Variants in GRID2 observed in about 807,000 individuals in gnomAD.
GRID2 encodes the protein glutamate receptor ionotropic, delta-2.
A neutral mutation model predicts 114.8 loss-of-function variants in GRID2; 33 were observed. The ratio of observed to expected loss-of-function variants is 0.29; its 90% CI spans 0.22 to 0.38. The LOEUF is 0.38. Among genes scored for constraint, GRID2 ranks in the 10% least tolerant of loss-of-function variants. GRID2 has a pLI of 1.00. For missense variants in GRID2, 1,184 were observed against 1,257.7 expected (o/e 0.94, Z 0.89); for synonymous variants, 505 against 449.9 (o/e 1.12, Z -1.55).
intron 1 of GRID2, among the ~76,000 whole-genome samples, chr4:92,402,842 G>A (rs936320347): frequency 7.9e-5 from 12 of 152,254 alleles, no homozygotes; most frequent in African/African-American, 2.9e-4. Flanking sequence ...TTCGAAGGCA[G>A]CAATTACTTC....
At position 93,027,715 on chromosome 4, in the gene GRID2, G is replaced by A. The variant is rs1019631641; in HGVS notation, c.245-57280G>A. ...AAATTTAAATTGAGATTTAGATAACGATATATTTAAACATACATGTTAGCT... is the reference window on the plus strand; with the variant it reads ...AAATTTAAATTGAGATTTAGATAACAATATATTTAAACATACATGTTAGCT... On this transcript the variant is annotated intron_variant, in intron 2 of 15. Coordinates refer to ENST00000282020, the MANE Select transcript of GRID2 (RefSeq NM_001510.4). Among the ~76,000 whole-genome samples the A allele has an allele frequency of 6.6e-5, 10 of 151,914 alleles. No individual in the cohort carries two copies. The East Asian group carries it at 1.2e-3, about 18-fold the overall frequency.
In GRID2 at chr4:93,784,071, C is replaced by CAAAAAA. The variant is rs70942993; in HGVS notation, c.221+14644_221+14649dup. Among the ~76,000 whole-genome samples, 71 of 38,980 alleles carry CAAAAAA rather than the reference C, an allele frequency of 1.8e-3. 5 individuals are homozygous for CAAAAAA. Among genetic ancestry groups the CAAAAAA allele is most frequent in the African/African-American group, 5.7e-3 (47 of 8,312 alleles). The allele number at this position is 38,980 out of a possible 152,430, so 25.6% of individuals were successfully genotyped here. On this transcript the variant is annotated intron_variant, in intron 1 of 1. Coordinates refer to the GRID2 transcript ENST00000637838. ...TGGGCGACAGAGCGAGACTCCGTCT[C>CAAAAAA]AAAAAAAAAAAAAAAAAAAAAAAAA...
intron 2 of GRID2, among the ~76,000 whole-genome samples, chr4:92,654,748 ATT>A (rs1732141550): frequency 6.6e-6 from 1 of 151,202 alleles, no homozygotes; most frequent in South Asian, 2.1e-4. Flanking sequence ...TTCAAATGGA[ATT>A]TTAAAAAAAA....
intron 8 of GRID2, among the ~76,000 whole-genome samples, chr4:93,307,802 A>G (rs1362388441): frequency 6.6e-6 from 1 of 152,182 alleles, no homozygotes; most frequent in East Asian, 1.9e-4. Flanking sequence ...CCTAAAGTGT[A>G]CACAATAATC....
chr4:92,568,027 T>C (rs1727419700), intron 1 of GRID2, among the ~76,000 whole-genome samples: 1 of 151,904 alleles, frequency 6.6e-6, no homozygotes, highest in South Asian at 2.1e-4. Context: ...CAGAAAGGGA[T>C]TGAAGGCAGA....
chr4:92,628,344 C>T (rs1730624505), intron 2 of GRID2, among the ~76,000 whole-genome samples: 1 of 149,370 alleles, frequency 6.7e-6, no homozygotes, highest in African/African-American at 2.5e-5. Context: ...GAAATTCCTC[C>T]CTGTTCTTTT....
chr4:93,274,376 CTG>C (rs1751824114), intron 8 of GRID2, among the ~76,000 whole-genome samples: 1 of 152,012 alleles, frequency 6.6e-6, no homozygotes, highest in Non-Finnish European at 1.5e-5. Flanking sequence ...ACAATTATAA[CTG>C]AAAGCTACGA....
Position 93,575,519 on chromosome 4 carries a change from C to T in GRID2, c.2194-50750C>T, listed in dbSNP as rs1193863657. Among the ~76,000 whole-genome samples, 4 of 152,218 alleles carry T rather than the reference C, an allele frequency of 2.6e-5. No homozygotes were observed. The East Asian group carries it at 7.7e-4, about 29-fold the overall frequency. The stretch of plus-strand genomic sequence containing the variant: ...CCTTCCCATATCTGCCACTTAACAG[C>T]CATTGTGGCCCTGAGCAAGTATTTG... On this transcript the variant is annotated intron_variant, in intron 13 of 15. Coordinates refer to ENST00000282020, the MANE Select transcript of GRID2 (RefSeq NM_001510.4).
chr4:93,670,050 T>A (rs528885524), intron 14 of GRID2, among the ~76,000 whole-genome samples: 3 of 152,178 alleles, frequency 2.0e-5, no homozygotes, highest in East Asian at 3.9e-4. Flanking sequence ...GGATTATGTA[T>A]GTGTAGGAGC....
chr4:92,870,682 G>A lies in GRID2; in HGVS notation c.245-214313G>A, dbSNP rs73837367. On this transcript the variant is annotated intron_variant, in intron 2 of 15. Transcript: ENST00000282020. ...ATTATAGTTCATCTTTCATAGTAGAGAAATATGAAGTTGTTCAATGCTTGG... is the reference window on the plus strand; with the variant it reads ...ATTATAGTTCATCTTTCATAGTAGAAAAATATGAAGTTGTTCAATGCTTGG... Among the ~76,000 whole-genome samples the A allele has an allele frequency of 6.4e-3, 967 of 152,216 alleles. 15 individuals carry two copies. Among genetic ancestry groups the A allele is most frequent in the African/African-American group, 0.022 (917 of 41,536 alleles).
chr4:93,220,047 C>G (rs1156821857), intron 6 of GRID2, among the ~76,000 whole-genome samples: 1 of 151,842 alleles, frequency 6.6e-6, no homozygotes, highest in African/African-American at 2.4e-5. Context: ...GGAAGAGGAC[C>G]AAGGTACAAG....
At chr4:93,215,438 C>G (rs1217015266) in intron 5 of GRID2, among the ~76,000 whole-genome samples, 1 of 151,958 alleles carries the variant, frequency 6.6e-6, no homozygotes, top group Non-Finnish European at 1.5e-5. Flanking sequence ...ACCGTTTAAT[C>G]CTACTTTGTG....
At chr4:92,385,918 A>G (rs373507075) in intron 1 of GRID2, among the ~76,000 whole-genome samples, 1 of 148,206 alleles carries the variant, frequency 6.7e-6, no homozygotes, top group Non-Finnish European at 1.5e-5. Flanking sequence ...ATATATATAT[A>G]TATATATGAA....
intron 2 of GRID2, among the ~76,000 whole-genome samples, chr4:92,989,079 C>T (rs532679741): frequency 1.3e-5 from 2 of 151,752 alleles, no homozygotes; most frequent in East Asian, 2.0e-4. Context: ...AGATGGAGAC[C>T]ATCCTGACTA....
chr4:92,984,809 G>A (rs1754408295), intron 2 of GRID2, among the ~76,000 whole-genome samples: 1 of 150,972 alleles, frequency 6.6e-6, no homozygotes, highest in Non-Finnish European at 1.5e-5. Context: ...TTAATGAGTA[G>A]TAGTCAGCTA....
chr4:93,679,635 C>T lies in GRID2; in HGVS notation c.2360+53200C>T, dbSNP rs192763785. 2.1e-4 allele frequency among the ~76,000 whole-genome samples: 31 copies of T among 150,896 alleles called. No individual in the cohort carries two copies. In the East Asian group the frequency reaches 3.9e-3, roughly 19 times the overall value. On this transcript the variant is annotated intron_variant, in intron 14 of 15. Coordinates refer to ENST00000282020, the MANE Select transcript of GRID2 (RefSeq NM_001510.4). ...CAGGATTAAGAAACTCACTCAAAAC[C>T]GCTCAACTACATGGAAACTGACAGC...
At chr4:92,317,784 A>G (rs916494104) in intron 1 of GRID2, among the ~76,000 whole-genome samples, 3 of 152,142 alleles carry the variant, frequency 2.0e-5, no homozygotes, top group African/African-American at 7.2e-5. Context: ...TGGGCCACCA[A>G]AGAAGAATAA....
intron 14 of GRID2, among the ~76,000 whole-genome samples, chr4:93,677,109 G>T (rs555410482): frequency 6.6e-6 from 1 of 152,200 alleles, no homozygotes; most frequent in Non-Finnish European, 1.5e-5. Flanking sequence ...TTAGGAAATG[G>T]CCCACCAGGA....
intron 2 of GRID2, among the ~76,000 whole-genome samples, chr4:92,628,291 G>C (rs1579716093): frequency 6.6e-6 from 1 of 152,210 alleles, no homozygotes; most frequent in East Asian, 1.9e-4. Context: ...TGGCATGGGA[G>C]AGGGAAAAAG....
Sources: allele counts gnomAD v4.1 joint callset (sites outside exome capture counted in the v4.1 genomes callset), GRCh38; gene constraint gnomAD v4.1.1; transcripts MANE v1.5; gene names NCBI Gene and HGNC (gene_info 2026-07-23, HGNC 2026-07-21).